The following DGKB variants were observed in gnomAD, a reference collection of about 807,000 sequenced individuals.
The protein encoded by DGKB is 90 kDa diacylglycerol kinase.
A neutral mutation model predicts 114.3 loss-of-function variants in DGKB; 67 were observed. The observed-to-expected ratio is 0.59, with a 90% CI of 0.48 to 0.72. The LOEUF is 0.72. Among genes scored for constraint, DGKB ranks in the 30% least tolerant of loss-of-function variants. The pLI is 0.00. For missense variants in DGKB, 907 were observed against 975.2 expected (o/e 0.93, Z 0.93); for synonymous variants, 398 against 323.1 (o/e 1.23, Z -2.49).
chr7:14,376,915 T>A (rs905911028), intron 21 of DGKB, among the ~76,000 whole-genome samples: 19 of 152,228 alleles, frequency 1.2e-4, no homozygotes, highest in Non-Finnish European at 2.5e-4. Flanking sequence ...AGTGAGAGTT[T>A]GAGTTTCAGT....
At chr7:14,312,283 T>G (rs1323920436) in intron 23 of DGKB, among the ~76,000 whole-genome samples, 2 of 152,188 alleles carry the variant, frequency 1.3e-5, no homozygotes, top group Non-Finnish European at 2.9e-5. Context: ...GCAAATGTGG[T>G]CTTTGAATCT....
chr7:14,409,287 C>T (rs1481150577), intron 21 of DGKB, among the ~76,000 whole-genome samples: 1 of 152,080 alleles, frequency 6.6e-6, no homozygotes, highest in East Asian at 1.9e-4. Flanking sequence ...CATTCTCAGT[C>T]CTTGTGTACT....
intron 23 of DGKB, among the ~76,000 whole-genome samples, chr7:14,292,540 C>A (rs1441220122): frequency 6.6e-6 from 1 of 152,088 alleles, no homozygotes; most frequent in Admixed American, 6.6e-5. Flanking sequence ...TTTTTGAGCC[C>A]CCAAATAGGA....
chr7:14,771,833 A>C (rs568586377), intron 2 of DGKB, among the ~76,000 whole-genome samples: 1 of 152,122 alleles, frequency 6.6e-6, no homozygotes, highest in East Asian at 1.9e-4. Context: ...GAGATAATCA[A>C]CTAAGCGCCA....
chr7:14,692,239 C>T (rs1823000847), intron 9 of DGKB, among the ~76,000 whole-genome samples: 1 of 152,066 alleles, frequency 6.6e-6, no homozygotes, highest in Admixed American at 6.6e-5. Flanking sequence ...CTGACTGTCC[C>T]TTTCTGCACT....
chr7:14,159,136 G>A (rs777544115), intron 25 of DGKB, among the ~76,000 whole-genome samples: 1 of 151,900 alleles, frequency 6.6e-6, no homozygotes, highest in Non-Finnish European at 1.5e-5. Flanking sequence ...CATTTCTCAT[G>A]AGGGCTCCCA....
At chr7:14,388,059 T>C (rs1164684151) in intron 21 of DGKB, among the ~76,000 whole-genome samples, 5 of 151,800 alleles carry the variant, frequency 3.3e-5, no homozygotes, top group African/African-American at 4.8e-5. Context: ...TTTGTATTTT[T>C]AGTAGAGACG....
intron 23 of DGKB, among the ~76,000 whole-genome samples, chr7:14,214,621 T>G: frequency 6.6e-6 from 1 of 152,106 alleles, no homozygotes; most frequent in East Asian, 1.9e-4. Context: ...TTAGAAAAAA[T>G]AATCTTAAAA....
chr7:14,945,545 T>C (rs182181208), intron 1 of DGKB, among the ~76,000 whole-genome samples: 2 of 151,892 alleles, frequency 1.3e-5, no homozygotes, highest in East Asian at 3.9e-4. Flanking sequence ...TTTATAAATA[T>C]CCATTAATGT....
intron 21 of DGKB, among the ~76,000 whole-genome samples, chr7:14,430,311 T>C (rs1028768283): frequency 6.6e-6 from 1 of 152,200 alleles, no homozygotes; most frequent in Non-Finnish European, 1.5e-5. Context: ...GCTTGTTAGA[T>C]TGTTAATTTT....
At chr7:14,713,560 G>C (rs1461066461) in intron 6 of DGKB, among the ~76,000 whole-genome samples, 2 of 150,448 alleles carry the variant, frequency 1.3e-5, no homozygotes, top group Non-Finnish European at 3.0e-5. Flanking sequence ...GCCCTATAAA[G>C]TAGCTCAGAA....
At chr7:14,688,942 A>C (rs771296119) in intron 9 of DGKB, among the ~76,000 whole-genome samples, 5 of 152,060 alleles carry the variant, frequency 3.3e-5, no homozygotes, top group Non-Finnish European at 5.9e-5. Flanking sequence ...TAAAATGTTC[A>C]AGTGAACTAG....
At chr7:14,458,898 G>A (rs998886517) in intron 21 of DGKB, among the ~76,000 whole-genome samples, 1 of 152,164 alleles carries the variant, frequency 6.6e-6, no homozygotes, top group Non-Finnish European at 1.5e-5. Flanking sequence ...GGAGCCAAGT[G>A]GTTTAGCTCA....
At chr7:14,793,574 C>G (rs534237355) in intron 2 of DGKB, among the ~76,000 whole-genome samples, 3 of 152,098 alleles carry the variant, frequency 2.0e-5, no homozygotes, top group Non-Finnish European at 2.9e-5. Flanking sequence ...GTAATTAATA[C>G]TCAACAGTTT....
At chr7:14,728,620 G>C (rs543981687) in intron 5 of DGKB, among the ~76,000 whole-genome samples, 1 of 151,870 alleles carries the variant, frequency 6.6e-6, no homozygotes, top group African/African-American at 2.4e-5. Flanking sequence ...TGACCTTTTT[G>C]AACTCCTATC....
chr7:14,274,970 TGTGTTTGTGTGTGC>T (rs1402805261), intron 23 of DGKB, among the ~76,000 whole-genome samples: 1 of 147,084 alleles, frequency 6.8e-6, no homozygotes, highest in Non-Finnish European at 1.5e-5. Context: ...TGTGTGTGTG[TGTGTTTGTGTGTGC>T]GTGTTATAAA....
chr7:14,642,662 A>C (rs1240608952), intron 13 of DGKB, among the ~76,000 whole-genome samples: 1 of 152,216 alleles, frequency 6.6e-6, no homozygotes, highest in African/African-American at 2.4e-5. Flanking sequence ...AAACTCAGGG[A>C]AATTCTGAAA....
intron 20 of DGKB, among the ~76,000 whole-genome samples, chr7:14,572,466 A>T (rs946688044): frequency 6.6e-6 from 1 of 151,960 alleles, no homozygotes; most frequent in African/African-American, 2.4e-5. Context: ...AAAAAGAAAA[A>T]AAAAAGAATA....
At chr7:14,156,482 A>T (rs1783044584) in intron 25 of DGKB, among the ~76,000 whole-genome samples, 1 of 152,150 alleles carries the variant, frequency 6.6e-6, no homozygotes, top group African/African-American at 2.4e-5. Context: ...ATGTTCCAAT[A>T]AACTCTATGT....
Sources: gnomAD v4.1 joint callset for allele counts (sites outside exome capture counted in the v4.1 genomes callset) on GRCh38, gnomAD v4.1.1 for gene constraint, MANE v1.5 for transcripts, NCBI Gene and HGNC (gene_info 2026-07-23, HGNC 2026-07-21) for gene names.